PDCD11: variants seen among roughly 807,000 people sequenced by gnomAD.
PDCD11 encodes programmed cell death 11.
Under a neutral mutation model 198.9 loss-of-function variants are expected in PDCD11, and 97 were observed. The ratio of observed to expected loss-of-function variants is 0.49; its 90% CI spans 0.41 to 0.58. PDCD11 has a LOEUF of 0.58. Among genes scored for constraint, PDCD11 ranks in the 20% least tolerant of loss-of-function variants. The pLI, the probability that PDCD11 is intolerant of heterozygous loss-of-function variation, is 0.00. For synonymous variants in PDCD11, 893 were observed against 918.0 expected, an observed-to-expected ratio of 0.97 and a Z score of 0.49; for missense variants, 2,102 against 2,312.7, an observed-to-expected ratio of 0.91 and a Z score of 1.87.
chr10:103,416,388 G>A, intron 12 of PDCD11, 103 bp from the exon 13 acceptor site: 1 of 1,171,840 alleles, frequency 8.5e-7, no homozygotes, highest in East Asian at 2.4e-5. Context: ...GCAGGTTCTT[G>A]GGGAATGGCC....
Position 103,405,523 on chromosome 10 carries a change from A to G in PDCD11, c.564+340A>G, listed in dbSNP as rs562759329. ...GGGTTTAAGCAATTCTTCTGCCTCAACCTCCTGAGGCAGGGATTACAGGTG... is the reference window on the plus strand; with the variant it reads ...GGGTTTAAGCAATTCTTCTGCCTCAGCCTCCTGAGGCAGGGATTACAGGTG... On this transcript the variant is annotated intron_variant, in intron 5 of 35. Transcript: ENST00000369797. 1.3e-4 allele frequency among the ~76,000 whole-genome samples: 20 copies of G among 151,758 alleles called. No homozygotes were observed. The East Asian group carries it at 2.9e-3, about 22-fold the overall frequency.
Position 103,417,788 on chromosome 10 carries a change from C to T in PDCD11, c.1771-4C>T. On this transcript the variant is annotated splice_polypyrimidine_tract_variant and splice_region_variant and intron_variant, in intron 13 of 35. Transcript: ENST00000369797. ...TTGGCCAAGCCTGTGTGGTTTCTTGCCAGGTGGTGAAGGTTGTCGTATTGA... is the reference window on the plus strand; with the variant it reads ...TTGGCCAAGCCTGTGTGGTTTCTTGTCAGGTGGTGAAGGTTGTCGTATTGA... The T allele has an allele frequency of 6.2e-7, 1 of 1,612,746 alleles. No individual in the cohort carries two copies. Among genetic ancestry groups the T allele is most frequent in the South Asian group, 1.1e-5 (1 of 90,988 alleles).
At position 103,441,808 on chromosome 10, in the gene PDCD11, G is replaced by T; in HGVS notation, c.4558-18G>T. 1 of 1,610,418 alleles carries T rather than the reference G, an allele frequency of 6.2e-7. No individual in the cohort carries two copies. The highest frequency in any genetic ancestry group is 8.5e-7 in the Non-Finnish European group (1 of 1,177,686). ...GCCTGAGCCAGGTGCTTTCTTTAGC[G>T]CCTCTGTGTTCCTCCAGGAGAAGCA... On this transcript the variant is annotated intron_variant, in intron 30 of 35. Transcript: ENST00000369797.
At position 103,425,101 on chromosome 10, in the gene PDCD11, G is replaced by A. The variant is rs117992169; in HGVS notation, c.2881G>A (p.Asp961Asn). ...TTTCTCCCTGACCTCTCACCTCAAC[G>A]ACACCTTCCGCTTTGACTCAGAGAA... The part of the protein sequence containing the change: ...AAFSLTSHLN[D>N]TFRFDSEKLQ... The change falls in exon 20 of 36, where the codon GAC (aspartate) becomes AAC (asparagine). Residue 961 changes from aspartate to asparagine, a missense_variant. Coordinates refer to ENST00000369797, the MANE Select transcript of PDCD11 (RefSeq NM_014976.2). 922 of 1,614,170 alleles carry A rather than the reference G, an allele frequency of 5.7e-4. 10 individuals carry two copies. The East Asian group carries it at 0.016, about 29-fold the overall frequency.
intron 21 of PDCD11, among the ~76,000 whole-genome samples, chr10:103,431,311 C>T (rs928022796): frequency 6.6e-6 from 1 of 152,100 alleles, no homozygotes; most frequent in African/African-American, 2.4e-5. Flanking sequence ...AAATCAAAGG[C>T]TGAGTGCCGT....
chr10:103,445,300 AGCAAGTGGGTGAGT>A (rs2032558618), intron 35 of PDCD11, 64 bp from the exon 36 acceptor site: 1 of 1,378,504 alleles, frequency 7.3e-7, no homozygotes. Flanking sequence ...CAGGGCTGAG[AGCAAGTGGGTGAGT>A]GCTAGGCAGG....
chr10:103,442,608 T>C (rs1465428004), intron 32 of PDCD11, 148 bp downstream of exon 32: 5 of 775,358 alleles, frequency 6.4e-6, no homozygotes, highest in Non-Finnish European at 1.0e-5. Flanking sequence ...CTTTCTGCCA[T>C]AGCTGCGGCC....
chr10:103,434,618 TG>T (rs1312027125), intron 24 of PDCD11, 179 bp from the exon 25 acceptor site: 6 of 597,450 alleles, frequency 1.0e-5, no homozygotes, highest in Non-Finnish European at 1.7e-5. Flanking sequence ...GTCCACCACT[TG>T]GCCCTGAGGT....
chr10:103,442,079 G>A (rs908273346), intron 31 of PDCD11, 104 bp downstream of exon 31: 4 of 1,552,540 alleles, frequency 2.6e-6, no homozygotes, highest in African/African-American at 1.4e-5. Flanking sequence ...GTGGGGGAGG[G>A]GGCAGCGGCC....
chr10:103,411,973 G>A (rs1463713927), intron 8 of PDCD11, among the ~76,000 whole-genome samples: 2 of 151,992 alleles, frequency 1.3e-5, no homozygotes, highest in Non-Finnish European at 2.9e-5. Context: ...CTGGCCTTGA[G>A]TAAACTTTCT....
chr10:103,413,177 C>T lies in PDCD11; in HGVS notation c.1040C>T (p.Pro347Leu). Reference protein sequence around the residue: ...RTRVVHLSLRPIFLQPGRPLT... With the variant: ...RTRVVHLSLRLIFLQPGRPLT... The stretch of plus-strand genomic sequence containing the variant: ...AGAGTTGTGCACCTGAGCCTGCGCC[C>T]CATCTTCCTACAGCCTGGACGCCCA... Residue 347 changes from proline (P) to leucine (L), a missense_variant, in exon 9 of 36, where the codon CCC becomes CTC. Physicochemically the swap from Pro to Leu is moderately conservative, Grantham distance 98 (BLOSUM62 -3). Coordinates refer to ENST00000369797, the MANE Select transcript of PDCD11 (RefSeq NM_014976.2). 1 of 1,614,170 alleles carries T rather than the reference C, an allele frequency of 6.2e-7. No homozygotes were observed. Among genetic ancestry groups the T allele is most frequent in the Non-Finnish European group, 8.5e-7 (1 of 1,180,022 alleles).
chr10:103,410,575 A>G (rs1401529444), intron 8 of PDCD11, among the ~76,000 whole-genome samples: 1 of 150,028 alleles, frequency 6.7e-6, no homozygotes, highest in Non-Finnish European at 1.5e-5. Flanking sequence ...ATAGTGATGA[A>G]TTCTGGGTGA....
chr10:103,434,405 GATGGGTTTTCAGCT>G, intron 24 of PDCD11, 55 bp downstream of exon 24: 1 of 1,164,320 alleles, frequency 8.6e-7, no homozygotes, highest in Non-Finnish European at 1.3e-6. Context: ...GAAGGGGTGG[GATGGGTTTTCAGCT>G]ATTGCTTGAG....
rs1465257175 is a variant in PDCD11 at position 103,423,530 on chromosome 10, T to G, written c.2648-13T>G. 1 of 1,570,358 alleles carries G rather than the reference T, an allele frequency of 6.4e-7. No homozygotes were observed. The highest frequency in any genetic ancestry group is 8.8e-7 in the Non-Finnish European group (1 of 1,140,204). ...TTCCAGAAGGATAATCACACTGTGG[T>G]TCTGCACTGCAGGGCAGGAGGTGGA... On this transcript the variant is annotated splice_polypyrimidine_tract_variant and intron_variant, in intron 18 of 35. Transcript: ENST00000369797.
rs2031196826 is a variant in PDCD11, at chr10:103,417,852, A to T, written c.1831A>T (p.Lys611Ter). Residue 611 changes from lysine (K) to a stop codon, truncating the protein, a stop_gained, in exon 14 of 36, where the codon AAG (lysine) becomes TAG (stop). Transcript: ENST00000369797. LOFTEE classifies it high-confidence loss of function. Reference sequence around the variant, plus strand: ...CAAAGAGAGGATGCTCTTATCCTTCAAGCTGTCGAGTGATCCAGAGCCAAA... The same window carrying T: ...CAAAGAGAGGATGCTCTTATCCTTCTAGCTGTCGAGTGATCCAGAGCCAAA... ...PSKERMLLSF[K>*]LSSDPEPKKE... 1 of 1,614,086 alleles carries T rather than the reference A, an allele frequency of 6.2e-7. No homozygotes were observed. The highest frequency in any genetic ancestry group is 8.5e-7 in the Non-Finnish European group (1 of 1,180,032).
In PDCD11 at chr10:103,423,020, A is replaced by G. The variant is rs2031525062; in HGVS notation, c.2530A>G (p.Thr844Ala). Residue 844 changes from threonine to alanine, a missense_variant, in exon 18 of 36, where the codon ACC (threonine) becomes GCC (alanine). Thr to Ala is a moderately conservative substitution (Grantham distance 58, BLOSUM62 0). Coordinates refer to ENST00000369797, the MANE Select transcript of PDCD11 (RefSeq NM_014976.2). ...SVLIQTLAEM[T>A]PGMFLDLVVQ... ...GTTGATCCAGACGCTGGCCGAGATG[A>G]CCCCAGGAATGTTCCTTGACCTAGT... 3 of 1,581,782 alleles carry G rather than the reference A, an allele frequency of 1.9e-6. No individual in the cohort carries two copies. The highest frequency in any genetic ancestry group is 2.6e-6 in the Non-Finnish European group (3 of 1,163,848).
chr10:103,442,025 A>G (rs780812277), intron 31 of PDCD11, 50 bp downstream of exon 31: 1 of 1,607,590 alleles, frequency 6.2e-7, no homozygotes, highest in Non-Finnish European at 8.5e-7. Context: ...CCTTGGTGTC[A>G]GTCTCTTGTG....
chr10:103,425,075 CTTTCT>C lies in PDCD11; in HGVS notation c.2856_2860del (p.Phe953ProfsTer12). ...TTGGTAGAGACGGGCCACCTGGCAG[CTTTCT>C]CCCTGACCTCTCACCTCAACGACAC... On this transcript the variant is annotated frameshift_variant, in exon 20 of 36. Coordinates refer to ENST00000369797, the MANE Select transcript of PDCD11 (RefSeq NM_014976.2). LOFTEE classifies it high-confidence loss of function. The C allele has an allele frequency of 6.2e-7, 1 of 1,614,258 alleles. No homozygotes were observed. The highest frequency in any genetic ancestry group is 8.5e-7 in the Non-Finnish European group (1 of 1,180,042).
In PDCD11 at chr10:103,442,277, T is replaced by C. The variant is rs201205855; in HGVS notation, c.4772T>C (p.Ile1591Thr). Reference sequence around the variant, plus strand: ...AAGGCAGAGAAGGAACTGTCCCGCATTGAGGAGGCGCTGATGGATCCTGGG... The same window carrying C: ...AAGGCAGAGAAGGAACTGTCCCGCACTGAGGAGGCGCTGATGGATCCTGGG... ...KQKAEKELSR[I>T]EEALMDPGRQ... The change falls in exon 32 of 36, where the codon ATT becomes ACT. Residue 1591 changes from isoleucine (I) to threonine (T), a missense_variant. Coordinates refer to ENST00000369797, the MANE Select transcript of PDCD11 (RefSeq NM_014976.2). 14 of 1,614,184 alleles carry C rather than the reference T, an allele frequency of 8.7e-6. No individual in the cohort carries two copies. Among genetic ancestry groups the C allele is most frequent in the Admixed American group, 6.7e-5 (4 of 60,024 alleles).
Sources: allele counts gnomAD v4.1 joint callset (sites outside exome capture counted in the v4.1 genomes callset), GRCh38; gene constraint gnomAD v4.1.1; transcripts MANE v1.5; gene names NCBI Gene and HGNC (gene_info 2026-07-23, HGNC 2026-07-21).